Variants in NHSL1 observed in about 807,000 individuals in gnomAD.
NHSL1 encodes the protein NHS-like protein 1.
Under a neutral mutation model 95.0 loss-of-function variants are expected in NHSL1, and 48 were observed. The observed-to-expected ratio is 0.51, with a 90% confidence interval of 0.40 to 0.64. NHSL1 has a LOEUF of 0.64. NHSL1 is among the 30% of genes least tolerant of loss of function. The pLI, the probability that NHSL1 is intolerant of heterozygous loss-of-function variation, is 0.00. For synonymous variants in NHSL1, 783 were observed against 833.9 expected (o/e 0.94, Z 1.05); for missense variants, 1,971 against 2,077.7 (o/e 0.95, Z 1.00).
At chr6:138,640,133 AG>A (rs1302375717) in intron 1 of NHSL1, among the ~76,000 whole-genome samples, 5 of 152,080 alleles carry the variant, frequency 3.3e-5, no homozygotes, top group Non-Finnish European at 4.4e-5. Flanking sequence ...GTCTAGAAAA[AG>A]TATGGATTAG....
chr6:138,642,115 A>G (rs1170802607), intron 1 of NHSL1, among the ~76,000 whole-genome samples: 1 of 152,186 alleles, frequency 6.6e-6, no homozygotes. Context: ...ATAAGAGTTT[A>G]GAGAATCAAA....
At chr6:138,591,201 AG>A (rs1421999139) in intron 1 of NHSL1, among the ~76,000 whole-genome samples, 1 of 152,220 alleles carries the variant, frequency 6.6e-6, no homozygotes, top group Non-Finnish European at 1.5e-5. Flanking sequence ...CCAGTTATCA[AG>A]GGGGGAAACA....
At chr6:138,584,729 G>T (rs777120620) in intron 1 of NHSL1, among the ~76,000 whole-genome samples, 9 of 152,208 alleles carry the variant, frequency 5.9e-5, no homozygotes, top group Non-Finnish European at 1.2e-4. Context: ...ATGCCACCAC[G>T]AAGAACTTCA....
intron 1 of NHSL1, among the ~76,000 whole-genome samples, chr6:138,595,386 C>A (rs1473649008): frequency 6.6e-6 from 1 of 151,998 alleles, no homozygotes; most frequent in Non-Finnish European, 1.5e-5. Context: ...CCAGCCTGGG[C>A]AACATAACGA....
chr6:138,600,088 G>A (rs907565979), intron 1 of NHSL1, among the ~76,000 whole-genome samples: 7 of 151,854 alleles, frequency 4.6e-5, no homozygotes, highest in Non-Finnish European at 1.0e-4. Flanking sequence ...AGGTTGCAGT[G>A]AACCAAGATT....
At chr6:138,606,299 G>A (rs1033947531) in intron 1 of NHSL1, among the ~76,000 whole-genome samples, 1 of 151,984 alleles carries the variant, frequency 6.6e-6, no homozygotes, top group Non-Finnish European at 1.5e-5. Context: ...TTCCATCTGC[G>A]ATAGAGTATG....
At chr6:138,690,462 C>T (rs547582089) in intron 1 of NHSL1, among the ~76,000 whole-genome samples, 1 of 151,798 alleles carries the variant, frequency 6.6e-6, no homozygotes, top group African/African-American at 2.4e-5. Context: ...AAAATGGGGC[C>T]ACGTGTGGTA....
rs79072037 is a variant in NHSL1 at position 138,565,257 on chromosome 6, G to A, written c.202+6453C>T. On this transcript the variant is annotated intron_variant, in intron 1 of 6. Transcript: ENST00000427025. ...AAGTAGCTGGGATTACAGGTATGCCGCACTAAACCCGAGTAATTTTTGTAT... is the reference window on the plus strand; with the variant it reads ...AAGTAGCTGGGATTACAGGTATGCCACACTAAACCCGAGTAATTTTTGTAT... Among the ~76,000 whole-genome samples, 196 of 152,002 alleles carry A rather than the reference G, an allele frequency of 1.3e-3. 6 individuals carry two copies. In the East Asian group the frequency reaches 0.031, roughly 24 times the overall value.
chr6:138,628,023 G>A (rs372540983), intron 1 of NHSL1, among the ~76,000 whole-genome samples: 35 of 151,372 alleles, frequency 2.3e-4, no homozygotes, highest in Middle Eastern at 3.4e-3. Context: ...TACGTAAAAC[G>A]TATATCCAGC....
At chr6:138,679,419 A>C (rs1031821591) in intron 1 of NHSL1, among the ~76,000 whole-genome samples, 5 of 152,240 alleles carry the variant, frequency 3.3e-5, no homozygotes, top group Admixed American at 1.3e-4. Flanking sequence ...GTTAGCTATG[A>C]TGATACACAG....
intron 1 of NHSL1, among the ~76,000 whole-genome samples, chr6:138,632,496 C>T (rs1784832427): frequency 6.6e-6 from 1 of 152,190 alleles, no homozygotes; most frequent in African/African-American, 2.4e-5. Context: ...TGTCACTCCA[C>T]CCCCAACCAG....
chr6:138,424,553 T>G lies in NHSL1; in HGVS notation c.4349A>C (p.Gln1450Pro). The stretch of plus-strand genomic sequence containing the variant: ...TGGGGAAGGCTCTGACCTCGACCTC[T>G]GGAATCTAGGGTCTGTGTTCTTGAG... ...EMLKNTDPRF[Q>P]RSRSEPSPDA... Residue 1450 changes from glutamine (Q) to proline (P), a missense_variant, in exon 8 of 8, where the codon CAG (glutamine) becomes CCG (proline). By Grantham distance (76) the Gln-to-Pro change is moderately conservative. Transcript: ENST00000343505. This position sits in a 1 kb window ranked among gnomAD's most constrained non-coding sequence, Gnocchi z 5.9. 1.9e-6 allele frequency: 3 copies of G among 1,551,668 alleles called. No homozygotes were observed. The highest frequency in any genetic ancestry group is 2.6e-6 in the Non-Finnish European group (3 of 1,146,980).
rs12663431 is a variant in NHSL1, at chr6:138,524,643, C to T, written c.16+20980G>A. On this transcript the variant is annotated intron_variant, in intron 1 of 4. Transcript: ENST00000342260. ...GCTTTTAGGAATAGTGCACTATGAA[C>T]ATTCTCATGCATGTCATTTGGTAAA... Among the ~76,000 whole-genome samples, 56 of 151,978 alleles carry T rather than the reference C, an allele frequency of 3.7e-4. No homozygotes were observed. The East Asian group carries it at 8.7e-3, about 24-fold the overall frequency.
At chr6:138,446,552 T>C (rs1776876766) in intron 4 of NHSL1, among the ~76,000 whole-genome samples, 1 of 152,186 alleles carries the variant, frequency 6.6e-6, no homozygotes, top group Non-Finnish European at 1.5e-5. Flanking sequence ...AATGTCTCCT[T>C]TTTTCTACTT....
At chr6:138,538,361 G>A (rs1782444634) in intron 1 of NHSL1, among the ~76,000 whole-genome samples, 1 of 152,070 alleles carries the variant, frequency 6.6e-6, no homozygotes, top group Admixed American at 6.6e-5. Flanking sequence ...GGCATTTTCT[G>A]AGGCCCCTTT....
upstream of NHSL1, among the ~76,000 whole-genome samples, chr6:138,573,594 A>G (rs985593363): frequency 6.6e-6 from 1 of 152,212 alleles, no homozygotes; most frequent in African/African-American, 2.4e-5. Context: ...AAGTTCTACA[A>G]AGTGTTACTA....
At chr6:138,445,608 T>C (rs1776815344) in intron 4 of NHSL1, among the ~76,000 whole-genome samples, 1 of 152,222 alleles carries the variant, frequency 6.6e-6, no homozygotes, top group Non-Finnish European at 1.5e-5. Flanking sequence ...ATTTAAAATA[T>C]GAGTTCTAAA....
intron 2 of NHSL1, among the ~76,000 whole-genome samples, chr6:138,484,061 G>A (rs1779581493): frequency 6.6e-6 from 1 of 152,168 alleles, no homozygotes. Flanking sequence ...GAGAGTAGGT[G>A]GAACAGAATG....
chr6:138,680,979 C>T (rs1251341568), intron 1 of NHSL1, among the ~76,000 whole-genome samples: 1 of 152,070 alleles, frequency 6.6e-6, no homozygotes, highest in African/African-American at 2.4e-5. Flanking sequence ...TAAACTATTC[C>T]TAAAAATCAA....
Sources: allele counts gnomAD v4.1 joint callset (sites outside exome capture counted in the v4.1 genomes callset), GRCh38; gene constraint gnomAD v4.1.1; non-coding constraint Gnocchi (gnomAD v3.1); transcripts MANE v1.5; gene names NCBI Gene and HGNC (gene_info 2026-07-23, HGNC 2026-07-21).